The following METTL25 variants were observed in gnomAD, a reference collection of about 807,000 sequenced individuals.
METTL25 encodes the protein methyltransferase like 25.
In METTL25, 64 loss-of-function variants were observed where a neutral mutation model predicts 71.6. The ratio of observed to expected loss-of-function variants is 0.89; its 90% CI spans 0.73 to 1.10. The LOEUF (loss-of-function observed/expected upper bound fraction) is 1.10, where lower values mean the gene tolerates loss of function less well. METTL25 is among the 50% of genes least tolerant of loss of function. The pLI is 0.00. For synonymous variants in METTL25, 287 were observed against 250.3 expected (o/e 1.15, Z -1.38); for missense variants, 807 against 707.0 (o/e 1.14, Z -1.60).
At chr12:82,450,800 C>T (rs909059758) in intron 8 of METTL25, among the ~76,000 whole-genome samples, 1 of 152,116 alleles carries the variant, frequency 6.6e-6, no homozygotes, top group Non-Finnish European at 1.5e-5. Context: ...ATGCCACATT[C>T]TCTGCCTGGA....
chr12:82,429,460 T>A (rs192785631), intron 5 of METTL25, among the ~76,000 whole-genome samples: 31 of 151,726 alleles, frequency 2.0e-4, no homozygotes, highest in African/African-American at 7.2e-4. Flanking sequence ...TGTTGATGGA[T>A]ACTTAGGATA....
chr12:82,476,768 A>AT, intron 10 of METTL25, 50 bp downstream of exon 10: 3 of 1,178,556 alleles, frequency 2.5e-6, no homozygotes, highest in Non-Finnish European at 3.7e-6. Flanking sequence ...CTAGACTTGA[A>AT]TAGGGTCCTA....
Position 82,365,648 on chromosome 12 carries a change from G to A in METTL25, c.259+6824G>A, listed in dbSNP as rs111285973. On this transcript the variant is annotated intron_variant, in intron 1 of 11. Coordinates refer to ENST00000248306, the MANE Select transcript of METTL25 (RefSeq NM_032230.3). ...CTTCAGAAATTAATTGTTGTTTAAT[G>A]GAATCTAGAAAATTCTTCTGAAAAG... Among the ~76,000 whole-genome samples the A allele has an allele frequency of 2.0e-3, 307 of 152,290 alleles. 2 individuals are homozygous for A. The highest frequency in any genetic ancestry group is 7.1e-3 in the African/African-American group (295 of 41,548).
At chr12:82,464,071 T>G (rs527418238) in intron 9 of METTL25, among the ~76,000 whole-genome samples, 1 of 152,192 alleles carries the variant, frequency 6.6e-6, no homozygotes, top group African/African-American at 2.4e-5. Flanking sequence ...TCTTGTTCAC[T>G]CTGATGATTG....
intron 8 of METTL25, among the ~76,000 whole-genome samples, chr12:82,442,977 A>C (rs966904316): frequency 2.1e-4 from 32 of 151,926 alleles, no homozygotes; most frequent in Admixed American, 1.1e-3. Flanking sequence ...CTGAAAGATC[A>C]GAAGAAAATA....
chr12:82,399,901 G>T (rs1426939247), intron 4 of METTL25, among the ~76,000 whole-genome samples: 2 of 148,744 alleles, frequency 1.3e-5, no homozygotes, highest in Non-Finnish European at 3.0e-5. Flanking sequence ...TGTTGAAACA[G>T]TATTATAGAG....
At chr12:82,370,267 G>A (rs1425291053) in intron 1 of METTL25, among the ~76,000 whole-genome samples, 1 of 152,194 alleles carries the variant, frequency 6.6e-6, no homozygotes, top group Non-Finnish European at 1.5e-5. Flanking sequence ...AAGACCATCT[G>A]TAACTTGATG....
intron 4 of METTL25, among the ~76,000 whole-genome samples, chr12:82,400,565 A>C (rs1335892190): frequency 9.1e-6 from 1 of 109,726 alleles, no homozygotes; most frequent in East Asian, 2.6e-4. Context: ...AGGGTTAAAC[A>C]ATCTCAATGA....
At chr12:82,360,427 C>T (rs890714599) in intron 1 of METTL25, among the ~76,000 whole-genome samples, 1 of 151,782 alleles carries the variant, frequency 6.6e-6, no homozygotes, top group Non-Finnish European at 1.5e-5. Context: ...ATGGAAGATT[C>T]TCAAACCTGG....
At chr12:82,442,198 T>C (rs1890401290) in intron 8 of METTL25, among the ~76,000 whole-genome samples, 1 of 152,038 alleles carries the variant, frequency 6.6e-6, no homozygotes, top group Non-Finnish European at 1.5e-5. Flanking sequence ...GGAGATCACA[T>C]GGGAATCTGG....
intron 1 of METTL25, among the ~76,000 whole-genome samples, chr12:82,361,750 C>T (rs1204406328): frequency 6.6e-6 from 1 of 152,210 alleles, no homozygotes; most frequent in East Asian, 1.9e-4. Context: ...CCGGAACTCG[C>T]GCTGGCCAGC....
At chr12:82,426,890 CACA>C (rs1889072306) in intron 5 of METTL25, among the ~76,000 whole-genome samples, 1 of 151,920 alleles carries the variant, frequency 6.6e-6, no homozygotes, top group Non-Finnish European at 1.5e-5. Context: ...TTCCCTCTAC[CACA>C]ACACTTACAG....
intron 9 of METTL25, among the ~76,000 whole-genome samples, chr12:82,460,986 A>G (rs1473390106): frequency 6.6e-6 from 1 of 152,114 alleles, no homozygotes; most frequent in African/African-American, 2.4e-5. Context: ...TACTAAAACT[A>G]CAAAAAATTA....
At chr12:82,404,360 C>A (rs1186007315) in intron 5 of METTL25, among the ~76,000 whole-genome samples, 5 of 150,978 alleles carry the variant, frequency 3.3e-5, no homozygotes, top group African/African-American at 4.9e-5. Context: ...AAAAAATGAA[C>A]TTAGAAAAAA....
chr12:82,453,161 T>C (rs570628275), intron 8 of METTL25, among the ~76,000 whole-genome samples: 1 of 152,312 alleles, frequency 6.6e-6, no homozygotes, highest in South Asian at 2.1e-4. Flanking sequence ...TCCCTTCCTA[T>C]GAAGTCTATT....
chr12:82,378,542 G>A (rs1884113663), intron 1 of METTL25, among the ~76,000 whole-genome samples: 1 of 152,168 alleles, frequency 6.6e-6, no homozygotes, highest in African/African-American at 2.4e-5. Flanking sequence ...TGTTGAAAGG[G>A]AGCTTAGAAT....
chr12:82,464,268 A>G (rs1438375387), intron 9 of METTL25, among the ~76,000 whole-genome samples: 1 of 151,878 alleles, frequency 6.6e-6, no homozygotes, highest in African/African-American at 2.4e-5. Flanking sequence ...TCTTGGATCC[A>G]TTTTGAGTTG....
chr12:82,388,819 G>T (rs1330745405), intron 2 of METTL25: 1 of 152,062 alleles, frequency 6.6e-6, no homozygotes, highest in Non-Finnish European at 1.5e-5. Flanking sequence ...TCTGCCAACA[G>T]AATGACATTG....
chr12:82,379,708 C>G (rs1258217920), intron 1 of METTL25, among the ~76,000 whole-genome samples: 1 of 152,180 alleles, frequency 6.6e-6, no homozygotes, highest in Non-Finnish European at 1.5e-5. Context: ...AAAGTTGATC[C>G]TGGGACATGA....
Sources: gnomAD v4.1 joint callset for allele counts (sites outside exome capture counted in the v4.1 genomes callset) on GRCh38, gnomAD v4.1.1 for gene constraint, MANE v1.5 for transcripts, NCBI Gene and HGNC (gene_info 2026-07-23, HGNC 2026-07-21) for gene names.